DNAI3: variants seen among roughly 807,000 people sequenced by gnomAD.
DNAI3 encodes the protein dynein axonemal intermediate chain 3, also known as WD repeat domain 63.
In DNAI3, 83 loss-of-function variants were observed where a neutral mutation model predicts 115.5. That is an observed-to-expected ratio of 0.72 (90% CI 0.60 to 0.86). The LOEUF (loss-of-function observed/expected upper bound fraction) is 0.86, where lower values mean the gene tolerates loss of function less well. Among genes scored for constraint, DNAI3 ranks in the 40% least tolerant of loss-of-function variants. The probability of loss-of-function intolerance (pLI) is 0.00; values close to 1 mark genes in which losing one functional copy is unlikely to be tolerated. For synonymous variants in DNAI3, 320 were observed against 347.0 expected (o/e 0.92, Z 0.86); for missense variants, 1,004 against 1,075.8 (o/e 0.93, Z 0.93).
Position 85,074,630 on chromosome 1 carries a change from G to A in DNAI3, c.103+1538G>A, listed in dbSNP as rs185346727. Among the ~76,000 whole-genome samples the A allele has an allele frequency of 1.8e-3, 281 of 152,218 alleles. 1 individual carries two copies. Among genetic ancestry groups the A allele is most frequent in the African/African-American group, 6.0e-3 (249 of 41,534 alleles). ...ATTACCTTGTTTAATTGCTTTCATA[G>A]CACTTAAAATCCTGAAGTTAAAGTA... is the stretch of plus-strand genomic sequence containing the variant. On this transcript the variant is annotated intron_variant, in intron 3 of 22. Transcript: ENST00000294664.
Position 85,108,149 on chromosome 1 carries a change from T to C in DNAI3, c.1670T>C (p.Leu557Pro), listed in dbSNP as rs773418307. 2 of 1,604,704 alleles carry C rather than the reference T, an allele frequency of 1.2e-6. No individual in the cohort carries two copies. Among genetic ancestry groups the C allele is most frequent in the Admixed American group, 3.4e-5 (2 of 58,030 alleles). Residue 557 changes from leucine to proline, a missense_variant, in exon 15 of 23, where the codon CTG (leucine) becomes CCG (proline). Physicochemically the swap from Leu to Pro is moderately conservative, Grantham distance 98. This residue lies in a region of DNAI3 where 429 missense variants were observed against 454.3 expected (regional missense o/e 0.94). Coordinates refer to ENST00000294664, the MANE Select transcript of DNAI3 (RefSeq NM_145172.5). ...GATGTACCATCTACTTTTTTGCATCTGGATCTCTCCTGGAAACCTCTCACT... is the reference window on the plus strand; with the variant it reads ...GATGTACCATCTACTTTTTTGCATCCGGATCTCTCCTGGAAACCTCTCACT... Reference protein sequence around the residue: ...PFDVPSTFLHLDLSWKPLTKV... With the variant: ...PFDVPSTFLHPDLSWKPLTKV...
chr1:85,084,771 G>A (rs1654749227), intron 6 of DNAI3, 76 bp downstream of exon 6: 1 of 1,282,268 alleles, frequency 7.8e-7, no homozygotes, highest in East Asian at 2.9e-5. Context: ...GGATTCATAA[G>A]GTTTACTGTG....
At chr1:85,118,280 T>C (rs1655892733) in intron 17 of DNAI3, among the ~76,000 whole-genome samples, 2 of 152,218 alleles carry the variant, frequency 1.3e-5, no homozygotes, top group Admixed American at 1.3e-4. Flanking sequence ...TGATAATGGC[T>C]GCCATTTTCT....
At position 85,123,523 on chromosome 1, in the gene DNAI3, C is replaced by T. The variant is rs115695035; in HGVS notation, c.1982-598C>T. Among the ~76,000 whole-genome samples, 1,503 of 152,292 alleles carry T rather than the reference C, an allele frequency of 9.9e-3. 20 individuals are homozygous for T. Among genetic ancestry groups the T allele is most frequent in the African/African-American group, 0.034 (1,430 of 41,550 alleles). ...AGGACTTTGGTGTGTGTTGTTTCCA[C>T]TGTCTGGAATGTTCCTTCACACCAA... On this transcript the variant is annotated intron_variant, in intron 18 of 22. Transcript: ENST00000294664.
chr1:85,133,004 C>T lies in DNAI3; in HGVS notation c.*6C>T, dbSNP rs2100624009. ...CATACATGGAGGTGATGTAAAAAAG[C>T]TTCCTGAAGGGGTGTTTTGGGGACT... On this transcript the variant is annotated 3_prime_UTR_variant, in exon 23 of 23. Transcript: ENST00000294664. 1 of 1,599,888 alleles carries T rather than the reference C, an allele frequency of 6.3e-7. No individual in the cohort carries two copies. The highest frequency in any genetic ancestry group is 2.2e-5 in the East Asian group (1 of 44,456).
chr1:85,095,993 C>G lies in DNAI3; in HGVS notation c.1236C>G (p.Ile412Met), dbSNP rs145589580. ...CFKFCPSDPN[I>M]IAGGCINGQI... ...AGTTCTGTCCGAGTGATCCTAATAT[C>G]ATTGCTGGAGGCTGTATCAATGGGC... Residue 412 changes from isoleucine to methionine, a missense_variant, in exon 11 of 23, where the codon ATC becomes ATG. This residue lies in a region of DNAI3 where 550 missense variants were observed against 568.1 expected (regional missense o/e 0.97). Transcript: ENST00000294664. 6.2e-7 allele frequency: 1 copy of G among 1,613,756 alleles called. No individual in the cohort carries two copies. The highest frequency in any genetic ancestry group is 1.3e-5 in the African/African-American group (1 of 74,912).
chr1:85,065,998 G>C (rs1654085610), intron 1 of DNAI3, among the ~76,000 whole-genome samples: 1 of 152,134 alleles, frequency 6.6e-6, no homozygotes, highest in Admixed American at 6.5e-5. Flanking sequence ...TGTTATGCAG[G>C]GGACTTACCC....
rs1255066352 is a variant in DNAI3, at chr1:85,124,239, A to G, written c.2100A>G (p.Lys700=). Residue 700 remains lysine, a synonymous_variant, in exon 19 of 23, where the codon AAA becomes AAG. Coordinates refer to ENST00000294664, the MANE Select transcript of DNAI3 (RefSeq NM_145172.5). ...TVGGWNVAIW[K]EGVMTGPLLQ... ...GAGGTTGGAACGTGGCCATATGGAA[A>G]GAAGGTGTTATGGTAAGTTGCCTGC... 1 of 1,575,680 alleles carries G rather than the reference A, an allele frequency of 6.3e-7. No individual in the cohort carries two copies. The highest frequency in any genetic ancestry group is 8.6e-7 in the Non-Finnish European group (1 of 1,163,744).
intron 5 of DNAI3, 37 bp from the exon 6 acceptor site, chr1:85,084,509 G>A: frequency 2.3e-6 from 3 of 1,311,862 alleles, no homozygotes; most frequent in Non-Finnish European, 2.9e-6. Context: ...ACCTAAACTT[G>A]GGCATACATT....
chr1:85,080,029 C>A (rs997522458), intron 3 of DNAI3, among the ~76,000 whole-genome samples: 4 of 137,528 alleles, frequency 2.9e-5, no homozygotes, highest in African/African-American at 1.1e-4. Flanking sequence ...GGGAAAGTTT[C>A]TTTTCTTTTT....
chr1:85,083,727 A>G (rs1271783964), intron 5 of DNAI3, among the ~76,000 whole-genome samples: 1 of 152,086 alleles, frequency 6.6e-6, no homozygotes, highest in African/African-American at 2.4e-5. Flanking sequence ...TTTTTTAACA[A>G]AAGAAATAAA....
At chr1:85,074,452 G>C (rs1485918704) in intron 3 of DNAI3, among the ~76,000 whole-genome samples, 9 of 152,094 alleles carry the variant, frequency 5.9e-5, no homozygotes, top group African/African-American at 2.2e-4. Flanking sequence ...AGCACAGAAT[G>C]TTCCAAATTT....
chr1:85,072,109 C>A (rs1006005622), intron 2 of DNAI3, 104 bp downstream of exon 2: 14 of 1,152,120 alleles, frequency 1.2e-5, no homozygotes, highest in Non-Finnish European at 1.7e-5. Flanking sequence ...TAAAATATTT[C>A]TGTGACATAA....
intron 3 of DNAI3, among the ~76,000 whole-genome samples, chr1:85,076,040 C>T (rs7517849): frequency 0.038 from 5,862 of 152,262 alleles, 206 homozygotes; most frequent in East Asian, 0.18. Flanking sequence ...CTGATTATCG[C>T]TGGAGGCCCT....
intron 3 of DNAI3, among the ~76,000 whole-genome samples, chr1:85,076,091 G>A (rs1654442200): frequency 1.3e-5 from 2 of 152,154 alleles, no homozygotes; most frequent in African/African-American, 4.8e-5. Flanking sequence ...AGCTTCTAGA[G>A]GCCACTGTAT....
At chr1:85,125,681 G>T (rs1423407007) in intron 19 of DNAI3, among the ~76,000 whole-genome samples, 1 of 152,132 alleles carries the variant, frequency 6.6e-6, no homozygotes, top group Non-Finnish European at 1.5e-5. Context: ...AGGAGAACAA[G>T]TTTGAAATGT....
chr1:85,112,554 G>A (rs80170100), intron 16 of DNAI3, among the ~76,000 whole-genome samples: 2,330 of 152,290 alleles, frequency 0.015, 60 homozygotes, highest in African/African-American at 0.053. Flanking sequence ...CCCACTAGCA[G>A]TGTATGGAGA....
intron 13 of DNAI3, among the ~76,000 whole-genome samples, chr1:85,099,732 C>A (rs1419749412): frequency 6.6e-6 from 1 of 152,190 alleles, no homozygotes; most frequent in Admixed American, 6.5e-5. Flanking sequence ...TACTACAAGG[C>A]TATAGTAACC....
chr1:85,126,739 G>A (rs755257269), intron 20 of DNAI3, 24 bp downstream of exon 20: 1 of 1,613,004 alleles, frequency 6.2e-7, no homozygotes, highest in Non-Finnish European at 8.5e-7. Flanking sequence ...AACTAAATAA[G>A]CTAAGTCATT....
Sources: allele counts gnomAD v4.1 joint callset (sites outside exome capture counted in the v4.1 genomes callset), GRCh38; gene constraint gnomAD v4.1.1; regional missense constraint gnomAD v4.1.1; transcripts MANE v1.5; gene names NCBI Gene and HGNC (gene_info 2026-07-23, HGNC 2026-07-21).